Variants in YJU2B observed in about 807,000 individuals in gnomAD.
YJU2B encodes YJU2 splicing factor homolog B.
A neutral mutation model predicts 38.0 loss-of-function variants in YJU2B; 18 were observed. The ratio of observed to expected loss-of-function variants is 0.47; its 90% CI spans 0.33 to 0.70. The LOEUF (loss-of-function observed/expected upper bound fraction) is 0.70. YJU2B is among the 30% of genes least tolerant of loss of function. The probability of loss-of-function intolerance (pLI) is 0.02; values close to 1 mark genes in which losing one functional copy is unlikely to be tolerated. For synonymous variants in YJU2B, 246 were observed against 225.4 expected, an observed-to-expected ratio of 1.09 and a Z score of -0.82; for missense variants, 538 against 556.3, an observed-to-expected ratio of 0.97 and a Z score of 0.33.
intron 2 of YJU2B, among the ~76,000 whole-genome samples, chr19:13,735,493 A>G (rs1178640314): frequency 6.6e-6 from 1 of 151,582 alleles, no homozygotes; most frequent in Non-Finnish European, 1.5e-5. Flanking sequence ...CCCCCACCAG[A>G]AGTTATTGAA....
upstream of YJU2B, among the ~76,000 whole-genome samples, chr19:13,744,393 ACT>A (rs1973176017): frequency 1.3e-5 from 2 of 152,046 alleles, no homozygotes; most frequent in African/African-American, 4.8e-5. Context: ...GGTTTCCAAG[ACT>A]CTGAAAGACA....
At chr19:13,750,869 A>G (rs1266546336) in intron 1 of YJU2B, among the ~76,000 whole-genome samples, 2 of 151,248 alleles carry the variant, frequency 1.3e-5, no homozygotes, top group Admixed American at 6.6e-5. Flanking sequence ...AAAAAAAAAA[A>G]AAAAAAAAAA....
At chr19:13,757,304 G>T in intron 4 of YJU2B, 114 bp from the exon 5 acceptor site, 1 of 738,114 alleles carries the variant, frequency 1.4e-6, no homozygotes. Context: ...CCCGTTAACA[G>T]GGCAGTCTAA....
intron 2 of YJU2B, among the ~76,000 whole-genome samples, chr19:13,740,682 G>A (rs568163339): frequency 3.9e-5 from 6 of 152,124 alleles, no homozygotes; most frequent in South Asian, 2.1e-4. Context: ...GATTACATGC[G>A]TGCGCCACCA....
At chr19:13,761,850 A>T (rs1973902004) in intron 8 of YJU2B, among the ~76,000 whole-genome samples, 1 of 151,788 alleles carries the variant, frequency 6.6e-6, no homozygotes, top group Non-Finnish European at 1.5e-5. Context: ...CAGCCTCCCA[A>T]GTAGCTAGGA....
intron 1 of YJU2B, among the ~76,000 whole-genome samples, chr19:13,748,451 G>A (rs1267201776): frequency 6.6e-6 from 1 of 152,050 alleles, no homozygotes; most frequent in Non-Finnish European, 1.5e-5. Flanking sequence ...CCGAGCCCAA[G>A]CCGTAAGCCC....
upstream of YJU2B, among the ~76,000 whole-genome samples, chr19:13,746,133 T>G (rs1269052502): frequency 6.6e-6 from 1 of 151,838 alleles, no homozygotes; most frequent in Non-Finnish European, 1.5e-5. Context: ...GCACCTGTAG[T>G]CCCAGCTACC....
rs1973994436 is a variant in YJU2B at position 13,763,262 on chromosome 19, A to T, written c.*194A>T. 1.9e-6 allele frequency: 1 copy of T among 531,672 alleles called. No homozygotes were observed. Among genetic ancestry groups the T allele is most frequent in the Non-Finnish European group, 3.3e-6 (1 of 303,880 alleles). The allele number at this position is 531,672 out of a possible 1,614,324, so 32.9% of individuals were successfully genotyped here. The stretch of plus-strand genomic sequence containing the variant: ...GGTGAGGGTGTTTGTGCCTTGTGAG[A>T]CTCCGTACATTAAAGACCTGTCTCT... On this transcript the variant is annotated 3_prime_UTR_variant, in exon 10 of 10. Transcript: ENST00000221554.
At chr19:13,740,576 C>T (rs2145091279) in intron 2 of YJU2B, among the ~76,000 whole-genome samples, 1 of 152,148 alleles carries the variant, frequency 6.6e-6, no homozygotes. Flanking sequence ...CTCGCTCTGT[C>T]ACCCAGGCTA....
chr19:13,755,839 T>C (rs1973646831), intron 3 of YJU2B, among the ~76,000 whole-genome samples: 1 of 151,890 alleles, frequency 6.6e-6, no homozygotes, highest in Non-Finnish European at 1.5e-5. Flanking sequence ...GCGCCTGTAA[T>C]CCCAGCTACT....
chr19:13,756,309 C>T (rs1382253087), intron 4 of YJU2B, 30 bp downstream of exon 4: 14 of 1,564,116 alleles, frequency 9.0e-6, no homozygotes, highest in African/African-American at 1.4e-5. Context: ...GAGGACCCCA[C>T]CGTCCTGCCC....
intron 5 of YJU2B, 79 bp from the exon 6 acceptor site, chr19:13,757,707 G>T: frequency 2.1e-6 from 3 of 1,414,348 alleles, no homozygotes; most frequent in Non-Finnish European, 3.0e-6. Context: ...GTGACAGTGA[G>T]CCTCTTTGTA....
At chr19:13,747,321 G>A (rs145253460), upstream of YJU2B, among the ~76,000 whole-genome samples, 2,289 of 152,224 alleles carry the variant, frequency 0.015, 33 homozygotes, top group Non-Finnish European at 0.023. Flanking sequence ...TTCATAAGTC[G>A]TAAAATAGTT....
In YJU2B at chr19:13,751,571, G is replaced by A. The variant is rs905484691; in HGVS notation, c.-201-37G>A. The A allele has an allele frequency of 3.7e-4, 208 of 565,048 alleles. 2 individuals are homozygous for A. The highest frequency in any genetic ancestry group is 7.7e-5 in the Non-Finnish European group (24 of 313,268). The allele number at this position is 565,048 out of a possible 1,614,324, so 35.0% of individuals were successfully genotyped here. On this transcript the variant is annotated intron_variant, in intron 1 of 9. Coordinates refer to ENST00000221554, the MANE Select transcript of YJU2B (RefSeq NM_030818.4). Reference sequence around the variant, plus strand: ...AAGTGTCAGATGTGATGCGTATATTGGCTGTAGAGTGGACGGGACTCTCTC... The same window carrying A: ...AAGTGTCAGATGTGATGCGTATATTAGCTGTAGAGTGGACGGGACTCTCTC...
intron 2 of YJU2B, among the ~76,000 whole-genome samples, chr19:13,740,043 A>G (rs1320194994): frequency 6.6e-6 from 1 of 152,098 alleles, no homozygotes; most frequent in African/African-American, 2.4e-5. Context: ...AATAGCAAAG[A>G]CTTGGAACCA....
Position 13,751,691 on chromosome 19 carries a change from A to C in YJU2B, c.-118A>C. 9.2e-7 allele frequency: 1 copy of C among 1,085,736 alleles called. No homozygotes were observed. The highest frequency in any genetic ancestry group is 1.4e-6 in the Non-Finnish European group (1 of 711,772). 67.3% of individuals were successfully genotyped at this position (1,085,736 alleles called of 1,614,324 possible). ...ACCACACGGCCCACGACATCTTCGC[A>C]GGGAAGCCTGTGGACCCTCTGCCAG... On this transcript the variant is annotated 5_prime_UTR_variant, in exon 2 of 10. Transcript: ENST00000221554.
intron 8 of YJU2B, among the ~76,000 whole-genome samples, chr19:13,761,104 G>A (rs928876240): frequency 6.6e-6 from 1 of 152,042 alleles, no homozygotes; most frequent in African/African-American, 2.4e-5. Flanking sequence ...TCTTGGCTGG[G>A]CGCGGTGGCT....
chr19:13,761,756 C>G (rs1055184288), intron 8 of YJU2B, among the ~76,000 whole-genome samples: 6 of 126,646 alleles, frequency 4.7e-5, no homozygotes, highest in Admixed American at 3.0e-4. Context: ...CAGTCTCCCC[C>G]CTTTCGCCCT....
At chr19:13,746,326 A>G (rs532174117), upstream of YJU2B, among the ~76,000 whole-genome samples, 2 of 152,194 alleles carry the variant, frequency 1.3e-5, no homozygotes, top group South Asian at 4.2e-4. Context: ...GCTCTAAGAG[A>G]AGTATCCACC....
Sources: allele counts gnomAD v4.1 joint callset (sites outside exome capture counted in the v4.1 genomes callset), GRCh38; gene constraint gnomAD v4.1.1; transcripts MANE v1.5; gene names NCBI Gene and HGNC (gene_info 2026-07-23, HGNC 2026-07-21).